FGF12: variants seen among roughly 807,000 people sequenced by gnomAD.
FGF12 encodes fibroblast growth factor 12B.
A neutral mutation model predicts 23.6 loss-of-function variants in FGF12; 14 were observed. That is an observed-to-expected ratio of 0.59 (90% CI 0.39 to 0.93). FGF12 has a LOEUF of 0.93. Among genes scored for constraint, FGF12 ranks in the 40% least tolerant of loss-of-function variants. The probability of loss-of-function intolerance (pLI) is 0.00; values close to 1 mark genes in which losing one functional copy is unlikely to be tolerated. For missense variants in FGF12, 175 were observed against 217.8 expected (o/e 0.80, Z 1.24); for synonymous variants, 62 against 77.3 (o/e 0.80, Z 1.04).
At chr3:192,516,924 T>A (rs533133700) in intron 2 of FGF12, 1 of 152,196 alleles carries the variant, frequency 6.6e-6, no homozygotes, top group Non-Finnish European at 1.5e-5. Flanking sequence ...ATTCTACCCA[T>A]AGAAATTCCC....
At chr3:192,667,607 TAAA>T (rs59867848) in intron 2 of FGF12, among the ~76,000 whole-genome samples, 20,528 of 75,384 alleles carry the variant, frequency 0.27, 2,416 homozygotes, top group Middle Eastern at 0.42. Flanking sequence ...CGAGACTCCG[TAAA>T]AAAAAAAAAA....
At chr3:192,484,925 T>A (rs562113166) in intron 2 of FGF12, among the ~76,000 whole-genome samples, 2 of 152,354 alleles carry the variant, frequency 1.3e-5, no homozygotes, top group Admixed American at 1.3e-4. Context: ...TAAGTCTACA[T>A]GTTTCAAGAT....
intron 2 of FGF12, among the ~76,000 whole-genome samples, chr3:192,499,790 C>T (rs1178080467): frequency 6.6e-6 from 1 of 151,394 alleles, no homozygotes; most frequent in African/African-American, 2.4e-5. Context: ...CCTTGTGATC[C>T]GCCCGCCTCA....
intron 2 of FGF12, among the ~76,000 whole-genome samples, chr3:192,416,007 T>A (rs975311122): frequency 3.3e-5 from 5 of 152,046 alleles, no homozygotes; most frequent in African/African-American, 1.2e-4. Context: ...AGGGAATGGA[T>A]CTTGTTGAAA....
chr3:192,379,144 C>G (rs1719703940), intron 2 of FGF12, among the ~76,000 whole-genome samples: 1 of 152,112 alleles, frequency 6.6e-6, no homozygotes, highest in African/African-American at 2.4e-5. Flanking sequence ...TTTTCTTTAT[C>G]CAATCCACCA....
chr3:192,431,851 G>A (rs2108790668), intron 2 of FGF12, among the ~76,000 whole-genome samples: 1 of 152,266 alleles, frequency 6.6e-6, no homozygotes, highest in South Asian at 2.1e-4. Flanking sequence ...ACCTTCACCA[G>A]GTCATTTAAT....
At chr3:192,555,653 C>G (rs924683557) in intron 2 of FGF12, among the ~76,000 whole-genome samples, 9 of 142,724 alleles carry the variant, frequency 6.3e-5, no homozygotes, top group Non-Finnish European at 9.0e-5. Context: ...AAAAAAAAGG[C>G]CAGGTGTAGT....
intron 2 of FGF12, among the ~76,000 whole-genome samples, chr3:192,585,835 C>T (rs1713352050): frequency 6.6e-6 from 1 of 151,984 alleles, no homozygotes; most frequent in African/African-American, 2.4e-5. Context: ...TTAGCTTCAC[C>T]GATGAAACCC....
In FGF12 at chr3:192,272,477, G is replaced by A. The variant is rs75880576; in HGVS notation, c.228+62884C>T. ...AGTGAAATATGGCTGCATGATTACG[G>A]GGCACAGTTGAACCTAATTACCAGC... On this transcript the variant is annotated intron_variant, in intron 4 of 5. Transcript: ENST00000445105. 8.4e-3 allele frequency among the ~76,000 whole-genome samples: 1,271 copies of A among 152,098 alleles called. 15 individuals carry two copies. The highest frequency in any genetic ancestry group is 0.03 in the African/African-American group (1,226 of 41,478).
At chr3:192,674,250 G>A (rs1717239973) in intron 2 of FGF12, among the ~76,000 whole-genome samples, 1 of 152,188 alleles carries the variant, frequency 6.6e-6, no homozygotes. Flanking sequence ...TAAAAGTACT[G>A]ATGCCAAAGT....
chr3:192,540,300 C>T (rs58701896), intron 2 of FGF12, among the ~76,000 whole-genome samples: 2,468 of 152,002 alleles, frequency 0.016, 64 homozygotes, highest in African/African-American at 0.056. Flanking sequence ...CTCTTAGTAC[C>T]GCTTTAGCCA....
intron 2 of FGF12, among the ~76,000 whole-genome samples, chr3:192,695,420 T>G (rs928541520): frequency 2.6e-5 from 4 of 152,314 alleles, no homozygotes; most frequent in Middle Eastern, 3.4e-3. Flanking sequence ...TGTTCCATTA[T>G]CATTTTGCAT....
At chr3:192,169,604 C>T (rs1715426534) in intron 5 of FGF12, among the ~76,000 whole-genome samples, 1 of 152,150 alleles carries the variant, frequency 6.6e-6, no homozygotes, top group Non-Finnish European at 1.5e-5. Context: ...CTTGACTAAG[C>T]CACAGAGTTG....
intron 4 of FGF12, among the ~76,000 whole-genome samples, chr3:192,301,964 A>G (rs1379127612): frequency 6.6e-6 from 1 of 152,180 alleles, no homozygotes; most frequent in East Asian, 1.9e-4. Flanking sequence ...TCTCTCTTAC[A>G]CCTTTTGCCA....
intron 2 of FGF12, among the ~76,000 whole-genome samples, chr3:192,363,896 C>T (rs534278131): frequency 2.6e-5 from 4 of 152,280 alleles, no homozygotes; most frequent in South Asian, 4.1e-4. Flanking sequence ...ATGAAGAAAA[C>T]GAAAACCTTT....
At position 192,409,785 on chromosome 3, in the gene FGF12, C is replaced by A. The variant is rs1374414794; in HGVS notation, c.14-49247G>T. ...GAGGCAGCCGAGGGCGCAACCCGGG[C>A]GCTTGGGGCCGGAGGCGGAATCAGG... On this transcript the variant is annotated intron_variant, in intron 2 of 5. Transcript: ENST00000445105. The surrounding 1 kb of genome is among the most constrained non-coding windows in gnomAD (Gnocchi z 4.8). Among the ~76,000 whole-genome samples, 1 of 152,058 alleles carries A rather than the reference C, an allele frequency of 6.6e-6. No individual in the cohort carries two copies. Among genetic ancestry groups the A allele is most frequent in the Non-Finnish European group, 1.5e-5 (1 of 67,968 alleles).
In FGF12 at chr3:192,150,017, T is replaced by G. The variant is rs897684969; in HGVS notation, c.428-5890A>C. 3.5e-5 allele frequency among the ~76,000 whole-genome samples: 4 copies of G among 114,144 alleles called. 1 individual carries two copies. In the Admixed American group the frequency reaches 3.8e-4, roughly 11 times the overall value. 74.9% of individuals were successfully genotyped at this position (114,144 alleles called of 152,430 possible). Reference sequence around the variant, plus strand: ...TTAATGATTGCCATTCTAACTGGTGTGAGATGGTATCTCATAGTGGTTTTG... The same window carrying G: ...TTAATGATTGCCATTCTAACTGGTGGGAGATGGTATCTCATAGTGGTTTTG... On this transcript the variant is annotated intron_variant, in intron 5 of 5. Coordinates refer to ENST00000445105, the MANE Select transcript of FGF12 (RefSeq NM_004113.6).
intron 2 of FGF12, among the ~76,000 whole-genome samples, chr3:192,414,376 C>A (rs1721282843): frequency 6.6e-6 from 1 of 152,166 alleles, no homozygotes; most frequent in South Asian, 2.1e-4. Flanking sequence ...TGCCAGAGTT[C>A]AGATTCACAC....
chr3:192,567,691 ACTCCAAT>A (rs1378946316), intron 2 of FGF12, among the ~76,000 whole-genome samples: 1 of 148,736 alleles, frequency 6.7e-6, no homozygotes, highest in Non-Finnish European at 1.5e-5. Flanking sequence ...GTGGTGCATA[ACTCCAAT>A]CTCTGCCTCC....
Sources: allele counts gnomAD v4.1 joint callset (sites outside exome capture counted in the v4.1 genomes callset), GRCh38; gene constraint gnomAD v4.1.1; non-coding constraint Gnocchi (gnomAD v3.1); transcripts MANE v1.5; gene names NCBI Gene and HGNC (gene_info 2026-07-23, HGNC 2026-07-21).